PLXND1: variants seen among roughly 807,000 people sequenced by gnomAD.
The protein encoded by PLXND1 is plexin D1, also known as plexin-D1.
Under a neutral mutation model 197.7 loss-of-function variants are expected in PLXND1, and 54 were observed. The ratio of observed to expected loss-of-function variants is 0.27; its 90% CI spans 0.22 to 0.34. The LOEUF (loss-of-function observed/expected upper bound fraction) is 0.34, where lower values mean the gene tolerates loss of function less well. Ranked by LOEUF, PLXND1 falls within the 10% of genes least tolerant of loss-of-function variation. The pLI is 1.00. For synonymous variants in PLXND1, 1,180 were observed against 1,161.2 expected (o/e 1.02, Z -0.33); for missense variants, 2,127 against 2,699.2 (o/e 0.79, Z 4.70).
intron 1 of PLXND1, among the ~76,000 whole-genome samples, 162 bp downstream of exon 1, chr3:129,605,167 C>T (rs947296597): frequency 3.9e-5 from 6 of 152,116 alleles, no homozygotes; most frequent in Admixed American, 6.5e-5. Context: ...CCTCGGGGGA[C>T]ACCTGTATTC....
Position 129,575,554 on chromosome 3 carries a change from C to T in PLXND1, c.2445G>A (p.Thr815=), listed in dbSNP as rs767587898. ...GCGGGAACACCTGGCTCTTCCGGGT[C>T]GTGTGCAGCTGCAAAAGGGCAGAAA... is the stretch of plus-strand genomic sequence containing the variant. ...VVRCDQVVLH[T]TRKSQVFPLS... is the part of the protein sequence containing the mutation. The change falls in exon 11 of 36, where the codon ACG becomes ACA. Residue 815 remains threonine, a synonymous_variant. Coordinates refer to ENST00000324093, the MANE Select transcript of PLXND1 (RefSeq NM_015103.3). 45 of 1,555,040 alleles carry T rather than the reference C, an allele frequency of 2.9e-5. No homozygotes were observed. The highest frequency in any genetic ancestry group is 2.8e-4 in the South Asian group (24 of 84,350).
Position 129,606,553 on chromosome 3 carries a change from G to C in PLXND1, c.87C>G (p.Cys29Trp). ...GCAGCAGCAACAGCAGCGGCACCGG[G>C]CACCGCGGCGGCGTCTGGAACGGCG... ...SPPPFQTPPRCPVPLLLLLLL... is the reference protein window; with the variant it reads ...SPPPFQTPPRWPVPLLLLLLL... Residue 29 changes from cysteine to tryptophan, a missense_variant, in exon 1 of 36, where the codon TGC becomes TGG. Coordinates refer to ENST00000324093, the MANE Select transcript of PLXND1 (RefSeq NM_015103.3). 7.8e-7 allele frequency: 1 copy of C among 1,275,452 alleles called. No individual in the cohort carries two copies. Among genetic ancestry groups the C allele is most frequent in the East Asian group, 3.1e-5 (1 of 32,014 alleles). The allele number at this position is 1,275,452 out of a possible 1,614,324, so 79.0% of individuals were successfully genotyped here. A position where few individuals can be genotyped will look rare whatever the true frequency, so the allele number is the denominator to read the frequency against.
At chr3:129,596,201 G>A (rs911233492) in intron 1 of PLXND1, among the ~76,000 whole-genome samples, 12 of 151,978 alleles carry the variant, frequency 7.9e-5, no homozygotes, top group African/African-American at 2.7e-4. Context: ...GCAGAGGCTC[G>A]GGAGCTCCCG....
At position 129,556,216 on chromosome 3, in the gene PLXND1, C is replaced by T; in HGVS notation, c.*96G>A. The stretch of plus-strand genomic sequence containing the variant: ...CCCCAGCCGTCTCTGCTCAGTATTT[C>T]CCAGTCTGAGTCACAGGCACGGGGT... On this transcript the variant is annotated 3_prime_UTR_variant, in exon 36 of 36. Transcript: ENST00000324093. 1 of 870,468 alleles carries T rather than the reference C, an allele frequency of 1.1e-6. No homozygotes were observed. The allele number at this position is 870,468 out of a possible 1,614,324, so 53.9% of individuals were successfully genotyped here. A position where few individuals can be genotyped will look rare whatever the true frequency, so the allele number is the denominator to read the frequency against.
In PLXND1 at chr3:129,605,873, T is replaced by C. The variant is rs749979407; in HGVS notation, c.767A>G (p.Asp256Gly). 1.2e-6 allele frequency: 2 copies of C among 1,613,446 alleles called. No individual in the cohort carries two copies. The highest frequency in any genetic ancestry group is 1.7e-6 in the Non-Finnish European group (2 of 1,179,848). Reference sequence around the variant, plus strand: ...GATGTTGTCGTCGGAGGGGTTGAGGTCGAAGGTGAAGAGCTTGGCCAGGTC... The same window carrying C: ...GATGTTGTCGTCGGAGGGGTTGAGGCCGAAGGTGAAGAGCTTGGCCAGGTC... ...RGDLAKLFTF[D>G]LNPSDDNILK... is the part of the protein sequence containing the mutation. The change falls in exon 1 of 36, where the codon GAC becomes GGC. Residue 256 changes from aspartate (D) to glycine (G), a missense_variant. Asp to Gly is a moderately conservative substitution (Grantham distance 94). Transcript: ENST00000324093.
intron 35 of PLXND1, 26 bp downstream of exon 35, chr3:129,556,591 C>G (rs201090201): frequency 6.5e-7 from 1 of 1,541,896 alleles, no homozygotes; most frequent in East Asian, 2.2e-5. Context: ...ACCCCGAGGG[C>G]AGGTGCCTCA....
intron 1 of PLXND1, 126 bp from the exon 2 acceptor site, chr3:129,589,653 C>T (rs2108795305): frequency 2.5e-6 from 2 of 814,248 alleles, no homozygotes; most frequent in East Asian, 5.4e-5. Flanking sequence ...TTTATATCCT[C>T]AGTGCTCAGC....
In PLXND1 at chr3:129,574,362, T is replaced by G. The variant is rs779159553; in HGVS notation, c.2659A>C (p.Thr887Pro). The G allele has an allele frequency of 5.6e-6, 9 of 1,607,998 alleles. No homozygotes were observed. In the African/African-American group the frequency reaches 6.7e-5, roughly 12 times the overall value. The change falls in exon 12 of 36, where the codon ACC becomes CCC. Residue 887 changes from threonine (T) to proline (P), a missense_variant. Physicochemically the swap from Thr to Pro is conservative, Grantham distance 38. Around this residue, in one of 6 missense-constraint regions of PLXND1, gnomAD observed 1,095 missense variants for 1,259.8 expected, o/e 0.87. Coordinates refer to ENST00000324093, the MANE Select transcript of PLXND1 (RefSeq NM_015103.3). ...LRGPLQPMAG[T>P]CPAPEIHAIE... ...GCGTGGATCTCGGGGGCGGGGCAGG[T>G]GCCAGCCATGGGCTGCAGAGGCCCC...
At position 129,602,922 on chromosome 3, in the gene PLXND1, G is replaced by A. The variant is rs543112036; in HGVS notation, c.1311+2407C>T. ...GAGGCCCAGAGAGGTTAAGTTCCTT[G>A]GCCAAGGTCACACAGCTGGGAAGTG... is the stretch of plus-strand genomic sequence containing the variant. On this transcript the variant is annotated intron_variant, in intron 1 of 35. Transcript: ENST00000324093. Among the ~76,000 whole-genome samples, 20 of 152,310 alleles carry A rather than the reference G, an allele frequency of 1.3e-4. No homozygotes were observed. The South Asian group carries it at 4.1e-3, about 32-fold the overall frequency.
intron 12 of PLXND1, 31 bp downstream of exon 12, chr3:129,574,305 G>T (rs547632972): frequency 6.4e-7 from 1 of 1,556,802 alleles, no homozygotes; most frequent in Non-Finnish European, 8.7e-7. Context: ...CCGGAGTGCG[G>T]GTGCCACGTG....
At chr3:129,571,018 C>T (rs202000329) in intron 18 of PLXND1, 22 bp downstream of exon 18, 2 of 1,613,182 alleles carry the variant, frequency 1.2e-6, no homozygotes, top group African/African-American at 1.3e-5. Flanking sequence ...CCCCCGCCTA[C>T]CCCGGCCCCT....
intron 1 of PLXND1, among the ~76,000 whole-genome samples, chr3:129,600,960 G>A (rs1047599904): frequency 1.3e-5 from 2 of 152,092 alleles, no homozygotes; most frequent in African/African-American, 2.4e-5. Flanking sequence ...TTGGCCTGTC[G>A]GTATTCCTTT....
At position 129,583,652 on chromosome 3, in the gene PLXND1, G is replaced by A. The variant is rs201008545; in HGVS notation, c.2156C>T (p.Ser719Leu). 23 of 1,612,666 alleles carry A rather than the reference G, an allele frequency of 1.4e-5. No individual in the cohort carries two copies. The East Asian group carries it at 3.8e-4, about 27-fold the overall frequency. Residue 719 changes from serine (S) to leucine (L), a missense_variant, in exon 8 of 36, where the codon TCG becomes TTG. Coordinates refer to ENST00000324093, the MANE Select transcript of PLXND1 (RefSeq NM_015103.3). ...GCACCAGAAACAGGGCCACTGTGCC[G>A]ACAGGCAGCTGGTACAGCTGGAAGA... ...YPHTACTSCL[S>L]AQWPCFWCSQ...
At chr3:129,571,922 AC>A in intron 15 of PLXND1, 78 bp from the exon 16 acceptor site, 1 of 1,406,508 alleles carries the variant, frequency 7.1e-7, no homozygotes, top group South Asian at 1.3e-5. Flanking sequence ...GACCTGGGGC[AC>A]AAGTCCACGC....
rs75404673 is a variant in PLXND1 at position 129,577,939 on chromosome 3, G to A, written c.2346+390C>T. Among the ~76,000 whole-genome samples, 13,692 of 152,298 alleles carry A rather than the reference G, an allele frequency of 0.09. 857 individuals are homozygous for A. Among genetic ancestry groups the A allele is most frequent in the East Asian group, 0.25 (1,310 of 5,168 alleles). The stretch of plus-strand genomic sequence containing the variant: ...CAGGGAAGACATGGAAGCCACCCAC[G>A]GGGCAGTGGGCTCGGCGGTGGGTGG... On this transcript the variant is annotated intron_variant, in intron 9 of 35. Transcript: ENST00000324093. This position sits in a 1 kb window ranked among gnomAD's most constrained non-coding sequence, Gnocchi z 5.0.
In PLXND1 at chr3:129,586,639, C is replaced by A; in HGVS notation, c.1569G>T (p.Met523Ile). 6.3e-7 allele frequency: 1 copy of A among 1,580,990 alleles called. No homozygotes were observed. Among genetic ancestry groups the A allele is most frequent in the South Asian group, 1.2e-5 (1 of 86,222 alleles). The change falls in exon 3 of 36, where the codon ATG becomes ATT. Residue 523 changes from methionine to isoleucine, a missense_variant. Around this residue, in one of 6 missense-constraint regions of PLXND1, gnomAD observed 1,095 missense variants for 1,259.8 expected, o/e 0.87. Transcript: ENST00000324093. ...AACCGGAGTCTGCTGGGTCAAACTG[C>A]ATGACATGGTGCACGGGCTCCCCAT... ...VAYGEPVHHV[M>I]QFDPADSGYL...
At position 129,565,469 on chromosome 3, in the gene PLXND1, C is replaced by A; in HGVS notation, c.4392G>T (p.Lys1464Asn). The A allele has an allele frequency of 6.2e-7, 1 of 1,613,644 alleles. No individual in the cohort carries two copies. The highest frequency in any genetic ancestry group is 8.5e-7 in the Non-Finnish European group (1 of 1,179,654). Residue 1464 changes from lysine to asparagine, a missense_variant, in exon 25 of 36, where the codon AAG becomes AAT. By Grantham distance (94) the Lys-to-Asn change is moderately conservative. Around this residue, in one of 6 missense-constraint regions of PLXND1, gnomAD observed 532 missense variants for 811.0 expected, o/e 0.66. Transcript: ENST00000324093. ...GKLEYYTSIMKELLVDLIDAS... is the reference protein window; with the variant it reads ...GKLEYYTSIMNELLVDLIDAS... ...CGTCAATGAGGTCCACCAGCAGCTC[C>A]TTCATGATGCTGGTGTAGTACTCCA...
chr3:129,596,731 TC>T (rs1297944559), intron 1 of PLXND1, among the ~76,000 whole-genome samples: 1 of 152,128 alleles, frequency 6.6e-6, no homozygotes, highest in Non-Finnish European at 1.5e-5. Flanking sequence ...CACACCCTCC[TC>T]CCCAGCCCCT....
At chr3:129,573,003 G>A in intron 13 of PLXND1, 62 bp from the exon 14 acceptor site, 2 of 1,194,424 alleles carry the variant, frequency 1.7e-6, no homozygotes, top group African/African-American at 1.5e-5. Context: ...CTAGAGCCAG[G>A]CTCAGGGATC....
Sources: allele counts gnomAD v4.1 joint callset (sites outside exome capture counted in the v4.1 genomes callset), GRCh38; gene constraint gnomAD v4.1.1; regional missense constraint gnomAD v4.1.1; non-coding constraint Gnocchi (gnomAD v3.1); transcripts MANE v1.5; gene names NCBI Gene and HGNC (gene_info 2026-07-23, HGNC 2026-07-21).